The following SMYD3 variants were observed in gnomAD, a reference collection of about 807,000 sequenced individuals.
The protein encoded by SMYD3 is SET and MYND domain containing 3, also known as histone-lysine N-methyltransferase SMYD3.
A neutral mutation model predicts 57.7 loss-of-function variants in SMYD3; 36 were observed. The observed-to-expected ratio is 0.62, with a 90% CI of 0.48 to 0.82. The LOEUF (loss-of-function observed/expected upper bound fraction) is 0.82. Ranked by LOEUF, SMYD3 falls within the 40% of genes least tolerant of loss-of-function variation. The probability of loss-of-function intolerance (pLI) is 0.00; values close to 1 mark genes in which losing one functional copy is unlikely to be tolerated. For synonymous variants in SMYD3, 211 were observed against 195.0 expected, an observed-to-expected ratio of 1.08 and a Z score of -0.68; for missense variants, 515 against 538.8, an observed-to-expected ratio of 0.96 and a Z score of 0.44.
chr1:245,951,345 G>A (rs1482712129), intron 5 of SMYD3, among the ~76,000 whole-genome samples: 1 of 146,844 alleles, frequency 6.8e-6, no homozygotes, highest in East Asian at 2.2e-4. Context: ...TGAGGCGGGT[G>A]GATCACGAGG....
At chr1:245,833,611 T>C (rs2049963407) in intron 10 of SMYD3, among the ~76,000 whole-genome samples, 1 of 152,198 alleles carries the variant, frequency 6.6e-6, no homozygotes, top group Non-Finnish European at 1.5e-5. Context: ...TTAGTTAAGG[T>C]AGTGTTTGCC....
At chr1:246,492,707 C>T (rs1469655542) in intron 1 of SMYD3, among the ~76,000 whole-genome samples, 1 of 152,208 alleles carries the variant, frequency 6.6e-6, no homozygotes, top group Non-Finnish European at 1.5e-5. Context: ...TCTGAGGATG[C>T]CTGGATAACA....
intron 5 of SMYD3, among the ~76,000 whole-genome samples, chr1:246,254,437 G>A (rs915153719): frequency 6.6e-6 from 1 of 152,188 alleles, no homozygotes. Flanking sequence ...TCAAAGATCA[G>A]ATGGCTGTAG....
At chr1:246,078,703 GC>G (rs2060587246) in intron 5 of SMYD3, among the ~76,000 whole-genome samples, 1 of 152,196 alleles carries the variant, frequency 6.6e-6, no homozygotes, top group African/African-American at 2.4e-5. Flanking sequence ...TATAATGGTG[GC>G]CTCAATTAAG....
At chr1:246,290,832 C>A (rs1572343587) in intron 5 of SMYD3, among the ~76,000 whole-genome samples, 8 of 152,018 alleles carry the variant, frequency 5.3e-5, no homozygotes, top group Admixed American at 3.3e-4. Flanking sequence ...CTTAATTTAC[C>A]ACACTGATGT....
chr1:246,421,169 G>A (rs1382755785), intron 1 of SMYD3, among the ~76,000 whole-genome samples: 2 of 152,048 alleles, frequency 1.3e-5, no homozygotes, highest in East Asian at 1.9e-4. Context: ...AGATGTTTAA[G>A]GAAGAAGCTT....
intron 1 of SMYD3, among the ~76,000 whole-genome samples, chr1:246,429,806 G>A (rs941663278): frequency 8.2e-5 from 12 of 147,150 alleles, no homozygotes; most frequent in South Asian, 2.2e-4. Flanking sequence ...ATAATCATAC[G>A]AGAAACGGTA....
chr1:246,477,160 C>T (rs2068040072), intron 1 of SMYD3, among the ~76,000 whole-genome samples: 1 of 152,176 alleles, frequency 6.6e-6, no homozygotes, highest in Non-Finnish European at 1.5e-5. Flanking sequence ...CAAATTCAAG[C>T]TATTTCTAAA....
chr1:246,260,859 T>A (rs2063994534), intron 5 of SMYD3, among the ~76,000 whole-genome samples: 1 of 152,126 alleles, frequency 6.6e-6, no homozygotes, highest in South Asian at 2.1e-4. Flanking sequence ...ACTTTATAAA[T>A]GGACAGGTAA....
At chr1:246,494,651 T>C (rs1292990445) in intron 1 of SMYD3, among the ~76,000 whole-genome samples, 1 of 152,240 alleles carries the variant, frequency 6.6e-6, no homozygotes, top group Non-Finnish European at 1.5e-5. Context: ...TCTTGATCAT[T>C]GGTACAACAT....
intron 5 of SMYD3, among the ~76,000 whole-genome samples, chr1:246,029,921 A>T (rs1287434532): frequency 6.6e-6 from 1 of 151,930 alleles, no homozygotes; most frequent in African/African-American, 2.4e-5. Context: ...CACTGTAGAA[A>T]AGAGCACAGC....
At chr1:246,451,166 C>T (rs2067627495) in intron 1 of SMYD3, among the ~76,000 whole-genome samples, 1 of 152,216 alleles carries the variant, frequency 6.6e-6, no homozygotes, top group African/African-American at 2.4e-5. Context: ...TGGCAAAGCA[C>T]TTTGCTGGCC....
intron 1 of SMYD3, among the ~76,000 whole-genome samples, chr1:246,463,997 C>T (rs1369641419): frequency 6.6e-6 from 1 of 152,100 alleles, no homozygotes; most frequent in Non-Finnish European, 1.5e-5. Context: ...CTAAAATCTA[C>T]ACTTTAGATG....
Position 246,453,708 on chromosome 1 carries a change from G to A in SMYD3, c.164+53346C>T, listed in dbSNP as rs1057048209. On this transcript the variant is annotated intron_variant, in intron 1 of 11. Coordinates refer to ENST00000490107, the MANE Select transcript of SMYD3 (RefSeq NM_001167740.2). ...CAGCCTTAAAAAGGCCCACCGTTTC[G>A]CCACCTACCTGGATCAGGTGTATGC... 8.5e-5 allele frequency among the ~76,000 whole-genome samples: 13 copies of A among 152,262 alleles called. No homozygotes were observed. The East Asian group carries it at 9.7e-4, about 11-fold the overall frequency.
At chr1:245,756,226 G>A (rs577530255) in intron 11 of SMYD3, among the ~76,000 whole-genome samples, 2 of 150,504 alleles carry the variant, frequency 1.3e-5, no homozygotes, top group Admixed American at 6.6e-5. Context: ...CTTTACTAGT[G>A]TCATCATTTT....
chr1:245,749,566 G>C lies in SMYD3; in HGVS notation c.1284C>G (p.Ser428=). 6.2e-7 allele frequency: 1 copy of C among 1,613,418 alleles called. No individual in the cohort carries two copies. The highest frequency in any genetic ancestry group is 2.2e-5 in the East Asian group (1 of 44,874). Residue 428 remains serine (S), a synonymous_variant, in exon 12 of 12, where the codon TCC becomes TCG. Transcript: ENST00000490107. ...LEECDANIRA[S] is the part of the protein sequence containing the mutation. Reference sequence around the variant, plus strand: ...ATTTCCCTCTGACTGCGTTCCCTTAGGATGCTCTGATGTTGGCGTCGCATT... The same window carrying C: ...ATTTCCCTCTGACTGCGTTCCCTTACGATGCTCTGATGTTGGCGTCGCATT...
At chr1:245,801,223 A>G (rs1572372685) in intron 10 of SMYD3, among the ~76,000 whole-genome samples, 1 of 152,252 alleles carries the variant, frequency 6.6e-6, no homozygotes, top group East Asian at 1.9e-4. Flanking sequence ...CTAAACTTTT[A>G]AAAATGTGTT....
chr1:245,826,521 T>C (rs1160576060), intron 10 of SMYD3, among the ~76,000 whole-genome samples: 3 of 152,196 alleles, frequency 2.0e-5, no homozygotes, highest in Non-Finnish European at 4.4e-5. Flanking sequence ...AGCCAAAATT[T>C]CCTTGTTTAT....
intron 5 of SMYD3, among the ~76,000 whole-genome samples, chr1:246,059,020 G>A (rs144598916): frequency 9.9e-5 from 15 of 152,098 alleles, no homozygotes; most frequent in African/African-American, 3.4e-4. Flanking sequence ...AACTGCAGGC[G>A]TCCGCCACCA....
Sources: allele counts gnomAD v4.1 joint callset (sites outside exome capture counted in the v4.1 genomes callset), GRCh38; gene constraint gnomAD v4.1.1; transcripts MANE v1.5; gene names NCBI Gene and HGNC (gene_info 2026-07-23, HGNC 2026-07-21).